The following FAT2 variants were observed in gnomAD, a reference collection of about 807,000 sequenced individuals.
FAT2 encodes the protein protocadherin Fat 2.
A neutral mutation model predicts 295.3 loss-of-function variants in FAT2; 150 were observed. The observed-to-expected ratio is 0.51, with a 90% CI of 0.44 to 0.58. FAT2 has a LOEUF of 0.58. Among genes scored for constraint, FAT2 ranks in the 20% least tolerant of loss-of-function variants. The pLI is 0.00. For missense variants in FAT2, 4,868 were observed against 5,442.7 expected (o/e 0.89, Z 3.32); for synonymous variants, 2,026 against 2,150.3 (o/e 0.94, Z 1.60).
At chr5:151,552,228 C>G (rs1051348442) in intron 6 of FAT2, among the ~76,000 whole-genome samples, 3 of 152,110 alleles carry the variant, frequency 2.0e-5, no homozygotes, top group Admixed American at 2.0e-4. Flanking sequence ...TCAAGTGATC[C>G]TCCTACTTCA....
At chr5:151,528,315 G>A (rs1196470383) in intron 15 of FAT2, among the ~76,000 whole-genome samples, 182 bp from the exon 16 acceptor site, 3 of 152,128 alleles carry the variant, frequency 2.0e-5, no homozygotes, top group Non-Finnish European at 4.4e-5. Context: ...AGCATGCCAT[G>A]GTTTATTCAT....
intron 1 of FAT2, among the ~76,000 whole-genome samples, chr5:151,572,132 A>G (rs574410597): frequency 6.6e-6 from 1 of 152,264 alleles, no homozygotes; most frequent in East Asian, 1.9e-4. Flanking sequence ...TCTTCATGAC[A>G]TATATCACTA....
intron 12 of FAT2, 75 bp downstream of exon 12, chr5:151,537,718 A>G: frequency 7.1e-7 from 1 of 1,406,578 alleles, no homozygotes; most frequent in Non-Finnish European, 9.7e-7. Context: ...TTCTCCAAGG[A>G]GAATACCATG....
At position 151,554,600 on chromosome 5, in the gene FAT2, T is replaced by C. The variant is rs1158000057; in HGVS notation, c.3707A>G (p.Asn1236Ser). 1.9e-6 allele frequency: 3 copies of C among 1,614,164 alleles called. No individual in the cohort carries two copies. Among genetic ancestry groups the C allele is most frequent in the Non-Finnish European group, 2.5e-6 (3 of 1,180,032 alleles). ...SRVVVGILDVNDNPPIFSHKL... is the reference protein window; with the variant it reads ...SRVVVGILDVSDNPPIFSHKL... The stretch of plus-strand genomic sequence containing the variant: ...GTGGGAGAATATAGGTGGATTGTCA[T>C]TGACGTCCAAGATGCCTACCACCAC... The change falls in exon 5 of 24, where the codon AAT becomes AGT. Residue 1236 changes from asparagine (N) to serine (S), a missense_variant. Physicochemically the swap from Asn to Ser is conservative, Grantham distance 46 (BLOSUM62 1). This residue lies in a region of FAT2 where 3,297 missense variants were observed against 3,669.4 expected (regional missense o/e 0.90). Transcript: ENST00000261800.
intron 1 of FAT2, among the ~76,000 whole-genome samples, chr5:151,587,920 C>T (rs1759241108): frequency 1.3e-5 from 2 of 152,218 alleles, no homozygotes; most frequent in South Asian, 2.1e-4. Context: ...GTGACCTGCA[C>T]ATACAGGGTC....
At chr5:151,581,611 C>G (rs1184802883) in intron 1 of FAT2, among the ~76,000 whole-genome samples, 1 of 152,190 alleles carries the variant, frequency 6.6e-6, no homozygotes, top group African/African-American at 2.4e-5. Context: ...CAGGCATTAT[C>G]TCTTTTAAGC....
In FAT2 at chr5:151,534,563, A is replaced by T. The variant is rs776573081; in HGVS notation, c.9273T>A (p.Gly3091=). The change falls in exon 13 of 24, where the codon GGT becomes GGA. Residue 3091 remains glycine (G), a synonymous_variant. Coordinates refer to ENST00000261800, the MANE Select transcript of FAT2 (RefSeq NM_001447.3). ...TGATGTCTGCCTGGCACGATCGGCCACCTCCATCCGTCGCCTTGGCAACAA... is the reference window on the plus strand; with the variant it reads ...TGATGTCTGCCTGGCACGATCGGCCTCCTCCATCCGTCGCCTTGGCAACAA... ...FNLVAKATDG[G]GRSCQADITL... 19 of 1,613,740 alleles carry T rather than the reference A, an allele frequency of 1.2e-5. No individual in the cohort carries two copies. The highest frequency in any genetic ancestry group is 1.6e-5 in the Non-Finnish European group (19 of 1,179,894).
intron 3 of FAT2, among the ~76,000 whole-genome samples, chr5:151,557,414 A>G (rs1757796835): frequency 6.6e-6 from 1 of 152,114 alleles, no homozygotes; most frequent in Non-Finnish European, 1.5e-5. Context: ...GGCCCTTGCA[A>G]CTGGCTCTGC....
At position 151,550,668 on chromosome 5, in the gene FAT2, G is replaced by A. The variant is rs1757114636; in HGVS notation, c.4500C>T (p.Asp1500=). The change falls in exon 8 of 24, where the codon GAC becomes GAT. Residue 1500 remains aspartate, a synonymous_variant. Coordinates refer to ENST00000261800, the MANE Select transcript of FAT2 (RefSeq NM_001447.3). The part of the protein sequence containing the change: ...DPGSASLFQL[D]PSSGVLVTVG... Reference sequence around the variant, plus strand: ...CCGTTACCAGGACACCACTGCTTGGGTCCAGCTGGAAGAGGCTGGCACTTC... The same window carrying A: ...CCGTTACCAGGACACCACTGCTTGGATCCAGCTGGAAGAGGCTGGCACTTC... 5 of 1,614,182 alleles carry A rather than the reference G, an allele frequency of 3.1e-6. No individual in the cohort carries two copies. In the East Asian group the frequency reaches 1.1e-4, roughly 36 times the overall value.
rs2127618885 is a variant in FAT2, at chr5:151,549,305, G to T, written c.4779C>A (p.Ser1593=). The stretch of plus-strand genomic sequence containing the variant: ...GGCCAGGCCTCTCACCTTTCAGGAG[G>T]GAGTAGTGGACCTCAGCATTGACTC... ...DRGVNAEVHY[S]LLKGNSEGFF... is the part of the protein sequence containing the mutation. The change falls in exon 9 of 24, where the codon TCC becomes TCA. Residue 1593 remains serine, a synonymous_variant. Transcript: ENST00000261800. The T allele has an allele frequency of 6.2e-7, 1 of 1,612,874 alleles. No homozygotes were observed. Among genetic ancestry groups the T allele is most frequent in the East Asian group, 2.2e-5 (1 of 44,874 alleles).
At chr5:151,509,995 T>C in intron 22 of FAT2, 26 bp downstream of exon 22, 1 of 1,609,896 alleles carries the variant, frequency 6.2e-7, no homozygotes, top group South Asian at 1.1e-5. Flanking sequence ...AAGGAGCCCA[T>C]GGCAGGTGGC....
intron 1 of FAT2, among the ~76,000 whole-genome samples, chr5:151,569,443 AC>A (rs1758438620): frequency 1.3e-5 from 2 of 151,952 alleles, no homozygotes; most frequent in Admixed American, 1.3e-4. Flanking sequence ...TGATTCAATT[AC>A]CTCCCACTGG....
rs937557951 is a variant in FAT2, at chr5:151,544,532, C to G, written c.6595G>C (p.Glu2199Gln). 3.7e-6 allele frequency: 6 copies of G among 1,613,730 alleles called. No individual in the cohort carries two copies. The Admixed American group carries it at 8.3e-5, about 22-fold the overall frequency. The change falls in exon 10 of 24, where the codon GAG (glutamate) becomes CAG (glutamine). Residue 2199 changes from glutamate (E) to glutamine (Q), a missense_variant. By Grantham distance (29) the Glu-to-Gln change is conservative. Around this residue, in one of 5 missense-constraint regions of FAT2, gnomAD observed 3,297 missense variants for 3,669.4 expected, o/e 0.90. Coordinates refer to ENST00000261800, the MANE Select transcript of FAT2 (RefSeq NM_001447.3). ...PILHTQARSP[E>Q]GLRLIYNIVE... The stretch of plus-strand genomic sequence containing the variant: ...ATGTTGTAGATGAGCCGGAGTCCCT[C>G]TGGACTCCGGGCCTGGGTGTGGAGA...
chr5:151,576,855 T>G (rs1413290576), intron 1 of FAT2, among the ~76,000 whole-genome samples: 1 of 152,196 alleles, frequency 6.6e-6, no homozygotes, highest in Non-Finnish European at 1.5e-5. Context: ...TACACAAACC[T>G]AGGTGGTGAC....
rs1001969191 is a variant in FAT2, at chr5:151,566,735, G to A, written c.2197C>T (p.Pro733Ser). ...DVLESVPINT[P>S]LARLAATDPD... is the part of the protein sequence containing the mutation. ...TCAGTGGCTGCTAGGCGGGCCAAGG[G>A]GGTGTTGATAGGGACACTCTCAAGG... Residue 733 changes from proline to serine, a missense_variant, in exon 2 of 24, where the codon CCC (proline) becomes TCC (serine). Around this residue, in one of 5 missense-constraint regions of FAT2, gnomAD observed 3,297 missense variants for 3,669.4 expected, o/e 0.90. Coordinates refer to ENST00000261800, the MANE Select transcript of FAT2 (RefSeq NM_001447.3). The A allele has an allele frequency of 8.1e-6, 13 of 1,614,062 alleles. No individual in the cohort carries two copies. The highest frequency in any genetic ancestry group is 8.5e-6 in the Non-Finnish European group (10 of 1,180,044).
intron 21 of FAT2, chr5:151,511,634 T>C (rs1761332187): frequency 6.3e-6 from 1 of 159,606 alleles, no homozygotes; most frequent in African/African-American, 2.4e-5. Context: ...GAGCCACAGT[T>C]AGAAGCAATT....
chr5:151,529,344 T>C lies in FAT2; in HGVS notation c.9860A>G (p.Tyr3287Cys), dbSNP rs1449319697. 1 of 1,614,006 alleles carries C rather than the reference T, an allele frequency of 6.2e-7. No individual in the cohort carries two copies. Among genetic ancestry groups the C allele is most frequent in the Non-Finnish European group, 8.5e-7 (1 of 1,180,006 alleles). ...CCGGCTGCACTCAATGGACAGGAAG[T>C]ACTTGGGGCTTGTCTCAAAGTCCAG... ...ASLDFETSPK[Y>C]FLSIECSRKS... The change falls in exon 15 of 24, where the codon TAC (tyrosine) becomes TGC (cysteine). Residue 3287 changes from tyrosine to cysteine, a missense_variant. Physicochemically the swap from Tyr to Cys is radical, Grantham distance 194. Coordinates refer to ENST00000261800, the MANE Select transcript of FAT2 (RefSeq NM_001447.3).
intron 9 of FAT2, among the ~76,000 whole-genome samples, chr5:151,547,134 A>G (rs2127615890): frequency 6.6e-6 from 1 of 152,354 alleles, no homozygotes. Context: ...TCTTTAAATA[A>G]AAACACCATA....
In FAT2 at chr5:151,545,324, G is replaced by A. The variant is rs2127611899; in HGVS notation, c.5803C>T (p.Leu1935Phe). Residue 1935 changes from leucine (L) to phenylalanine (F), a missense_variant, in exon 10 of 24, where the codon CTC (leucine) becomes TTC (phenylalanine). Physicochemically the swap from Leu to Phe is conservative, Grantham distance 22. Transcript: ENST00000261800. ...ISVLNPAFLG[L>F]SRKLTIRASD... is the part of the protein sequence containing the mutation. The stretch of plus-strand genomic sequence containing the variant: ...GCCCTGATGGTGAGCTTCCGAGAGA[G>A]TCCCAGGAAAGCAGGATTCAGCACA... The A allele has an allele frequency of 6.2e-7, 1 of 1,614,170 alleles. No individual in the cohort carries two copies. The highest frequency in any genetic ancestry group is 8.5e-7 in the Non-Finnish European group (1 of 1,180,034).
Sources: allele counts gnomAD v4.1 joint callset (sites outside exome capture counted in the v4.1 genomes callset), GRCh38; gene constraint gnomAD v4.1.1; regional missense constraint gnomAD v4.1.1; transcripts MANE v1.5; gene names NCBI Gene and HGNC (gene_info 2026-07-23, HGNC 2026-07-21).